Variants in SCN7A observed in about 807,000 individuals in gnomAD.
The protein encoded by SCN7A is sodium channel protein type 7 subunit alpha.
In SCN7A, 138 loss-of-function variants were observed where a neutral mutation model predicts 155.2. The observed-to-expected ratio is 0.89, with a 90% CI of 0.77 to 1.02. The LOEUF is 1.02. Among genes scored for constraint, SCN7A ranks in the 50% least tolerant of loss-of-function variants. The pLI, the probability that SCN7A is intolerant of heterozygous loss-of-function variation, is 0.00. For synonymous variants in SCN7A, 693 were observed against 649.0 expected (o/e 1.07, Z -1.03); for missense variants, 2,058 against 1,986.6 (o/e 1.04, Z -0.68).
intron 23 of SCN7A, among the ~76,000 whole-genome samples, chr2:166,411,110 CAA>C (rs977429280): frequency 1.3e-5 from 2 of 151,992 alleles, no homozygotes; most frequent in Non-Finnish European, 2.9e-5. Context: ...GGTGGAGACT[CAA>C]GAGTGATTGA....
intron 7 of SCN7A, among the ~76,000 whole-genome samples, chr2:166,469,514 T>C (rs1000615854): frequency 6.6e-6 from 1 of 151,864 alleles, no homozygotes; most frequent in Non-Finnish European, 1.5e-5. Context: ...AATATTTTCA[T>C]ACACTCCATA....
chr2:166,465,874 T>C lies in SCN7A; in HGVS notation c.778A>G (p.Met260Val). The C allele has an allele frequency of 1.2e-6, 2 of 1,613,904 alleles. No homozygotes were observed. Among genetic ancestry groups the C allele is most frequent in the Non-Finnish European group, 8.5e-7 (1 of 1,179,830 alleles). ...IFSLIGMGLF[M>V]GNLKHKCFRW... is the part of the protein sequence containing the mutation. ...AAACATTTATGTTTCAAGTTGCCCA[T>C]GAAGAGCCCCATCCCAATTAGAGAA... is the stretch of plus-strand genomic sequence containing the variant. The change falls in exon 8 of 26, where the codon ATG (methionine) becomes GTG (valine). Residue 260 changes from methionine (M) to valine (V), a missense_variant. Met to Val is a conservative substitution (Grantham distance 21). Coordinates refer to ENST00000643258, the MANE Select transcript of SCN7A (RefSeq NM_002976.4).
In SCN7A at chr2:166,429,570, T is replaced by C. The variant is rs571069094; in HGVS notation, c.2593-296A>G. 1.4e-4 allele frequency among the ~76,000 whole-genome samples: 22 copies of C among 152,180 alleles called. No homozygotes were observed. The East Asian group carries it at 4.1e-3, about 28-fold the overall frequency. ...TAAAGATGTATAGGCTGTCTCCAATTCACAAAAGGATTGGGGTTCCAAAGT... is the reference window on the plus strand; with the variant it reads ...TAAAGATGTATAGGCTGTCTCCAATCCACAAAAGGATTGGGGTTCCAAAGT... On this transcript the variant is annotated intron_variant, in intron 16 of 25. Coordinates refer to ENST00000643258, the MANE Select transcript of SCN7A (RefSeq NM_002976.4).
intron 11 of SCN7A, among the ~76,000 whole-genome samples, chr2:166,456,313 C>A (rs1340351612): frequency 6.6e-6 from 1 of 151,930 alleles, no homozygotes; most frequent in Non-Finnish European, 1.5e-5. Flanking sequence ...ATGTAACAAA[C>A]CTGCACGTTC....
chr2:166,439,055 G>GTGTGTGTATATATATATATA (rs375208870), intron 15 of SCN7A, among the ~76,000 whole-genome samples: 37 of 113,406 alleles, frequency 3.3e-4, no homozygotes, highest in African/African-American at 1.0e-3. Context: ...GTGTGTGTGT[G>GTGTGTGTATATATATATATA]TATATATATA....
intron 25 of SCN7A, 103 bp downstream of exon 25, chr2:166,409,562 T>C (rs1701150223): frequency 2.2e-6 from 2 of 917,202 alleles, no homozygotes; most frequent in South Asian, 2.1e-5. Context: ...GGAGACTATA[T>C]TTCATGATTT....
intron 15 of SCN7A, among the ~76,000 whole-genome samples, chr2:166,434,097 T>G (rs919188852): frequency 1.3e-5 from 2 of 152,106 alleles, no homozygotes; most frequent in African/African-American, 4.8e-5. Context: ...TTTTGAAACT[T>G]TTTTCAAAAT....
intron 25 of SCN7A, among the ~76,000 whole-genome samples, 190 bp from the exon 26 acceptor site, chr2:166,406,836 T>C (rs766142538): frequency 1.3e-5 from 2 of 152,056 alleles, no homozygotes; most frequent in Non-Finnish European, 2.9e-5. Flanking sequence ...ACACCTATTG[T>C]ATCAATGCTC....
In SCN7A at chr2:166,406,099, C is replaced by T. The variant is rs752693466; in HGVS notation, c.4530G>A (p.Leu1510=). The T allele has an allele frequency of 1.2e-6, 2 of 1,612,252 alleles. No individual in the cohort carries two copies. The highest frequency in any genetic ancestry group is 2.2e-5 in the South Asian group (2 of 91,020). The change falls in exon 26 of 26, where the codon TTG becomes TTA. Residue 1510 remains leucine, a synonymous_variant. Transcript: ENST00000643258. ...AGAATTTCCTAAAATCATCTTCACTCAAGGTCTTGTTTTTCTTCTTAGAAG... is the reference window on the plus strand; with the variant it reads ...AGAATTTCCTAAAATCATCTTCACTTAAGGTCTTGTTTTTCTTCTTAGAAG... The part of the protein sequence containing the change: ...NIASKKKNKT[L]SEDDFRKFFQ...
chr2:166,465,659 T>G, intron 8 of SCN7A, 122 bp downstream of exon 8: 2 of 1,275,890 alleles, frequency 1.6e-6, no homozygotes, highest in Non-Finnish European at 2.2e-6. Context: ...CAAATATCCT[T>G]GCCTTTCAAC....
At chr2:166,471,734 G>T (rs1016734803) in intron 6 of SCN7A, among the ~76,000 whole-genome samples, 198 of 148,976 alleles carry the variant, frequency 1.3e-3, no homozygotes, top group African/African-American at 4.6e-3. Context: ...GTGGGGGGGG[G>T]GGTGGTGTTT....
At chr2:166,473,130 T>G (rs955622984) in intron 5 of SCN7A, among the ~76,000 whole-genome samples, 1 of 151,550 alleles carries the variant, frequency 6.6e-6, no homozygotes, top group Non-Finnish European at 1.5e-5. Flanking sequence ...TGACGCAAGT[T>G]TACCTATGGA....
At position 166,453,904 on chromosome 2, in the gene SCN7A, C is replaced by T. The variant is rs973254716; in HGVS notation, c.1290+2966G>A. Among the ~76,000 whole-genome samples the T allele has an allele frequency of 3.3e-5, 5 of 152,042 alleles. No individual in the cohort carries two copies. In the East Asian group the frequency reaches 9.6e-4, roughly 29 times the overall value. On this transcript the variant is annotated intron_variant, in intron 11 of 25. Coordinates refer to ENST00000643258, the MANE Select transcript of SCN7A (RefSeq NM_002976.4). ...TATTTATAAATAAAAGAGGAAAATT[C>T]TTGTACAAATAATGTATACTCTTAC... is the stretch of plus-strand genomic sequence containing the variant.
intron 12 of SCN7A, among the ~76,000 whole-genome samples, chr2:166,446,462 C>T (rs1206428481): frequency 1.3e-5 from 2 of 152,100 alleles, no homozygotes; most frequent in Non-Finnish European, 2.9e-5. Flanking sequence ...GACAGTGTGG[C>T]GATTCCTCAA....
chr2:166,452,126 T>G (rs1275069215), intron 11 of SCN7A, among the ~76,000 whole-genome samples: 1 of 152,118 alleles, frequency 6.6e-6, no homozygotes. Flanking sequence ...GGTCCAAACA[T>G]TTACTTGGCA....
intron 1 of SCN7A, among the ~76,000 whole-genome samples, chr2:166,489,201 C>A (rs1029890391): frequency 2.0e-5 from 3 of 152,124 alleles, no homozygotes; most frequent in African/African-American, 7.2e-5. Flanking sequence ...TTCACCAAAT[C>A]AGTTACTAAG....
At chr2:166,457,111 A>G (rs745556658) in intron 10 of SCN7A, 35 bp from the exon 11 acceptor site, 1 of 1,421,624 alleles carries the variant, frequency 7.0e-7, no homozygotes, top group Non-Finnish European at 9.6e-7. Flanking sequence ...AAAAGAGTAA[A>G]ATGTTATTTA....
chr2:166,472,648 C>G (rs1702685569), intron 5 of SCN7A, among the ~76,000 whole-genome samples: 1 of 151,778 alleles, frequency 6.6e-6, no homozygotes. Context: ...AGCCCTAGCT[C>G]AATGCTTTAA....
At chr2:166,470,564 T>C (rs78754469) in intron 7 of SCN7A, 51 bp downstream of exon 7, 50 of 1,468,286 alleles carry the variant, frequency 3.4e-5, no homozygotes, top group Admixed American at 1.2e-4. Context: ...AGTGAATACA[T>C]GGCAGTACAT....
Sources: allele counts gnomAD v4.1 joint callset (sites outside exome capture counted in the v4.1 genomes callset), GRCh38; gene constraint gnomAD v4.1.1; transcripts MANE v1.5; gene names NCBI Gene and HGNC (gene_info 2026-07-23, HGNC 2026-07-21).